KAZN: variants seen among roughly 807,000 people sequenced by gnomAD.
The protein encoded by KAZN is kazrin.
KAZN carries 40 observed loss-of-function variants against 87.4 expected under a neutral mutation model. That is an observed-to-expected ratio of 0.46 (90% CI 0.36 to 0.60). The LOEUF (loss-of-function observed/expected upper bound fraction) is 0.60. KAZN is among the 20% of genes least tolerant of loss of function. The probability of loss-of-function intolerance (pLI) is 0.00; values close to 1 mark genes in which losing one functional copy is unlikely to be tolerated. For missense variants in KAZN, 898 were observed against 1,073.9 expected, an observed-to-expected ratio of 0.84 and a Z score of 2.29; for synonymous variants, 466 against 458.3, an observed-to-expected ratio of 1.02 and a Z score of -0.22.
intron 2 of KAZN, among the ~76,000 whole-genome samples, chr1:15,016,373 C>T (rs961630837): frequency 6.6e-6 from 1 of 152,144 alleles, no homozygotes; most frequent in African/African-American, 2.4e-5. Context: ...GCAACCTCTG[C>T]CTCCCAGGAT....
Position 15,112,413 on chromosome 1 carries a change from G to A in KAZN, c.2049-14G>A. 6.5e-7 allele frequency: 1 copy of A among 1,534,812 alleles called. No individual in the cohort carries two copies. Among genetic ancestry groups the A allele is most frequent in the East Asian group, 2.4e-5 (1 of 42,256 alleles). The stretch of plus-strand genomic sequence containing the variant: ...TGAGCCTCCCCTGCTGACTCAAAAT[G>A]GTCCTCTCTTCAGCTCCACAGGCAT... On this transcript the variant is annotated splice_polypyrimidine_tract_variant and intron_variant, in intron 13 of 14. Coordinates refer to ENST00000376030, the MANE Select transcript of KAZN (RefSeq NM_201628.3).
chr1:14,415,592 C>T lies in KAZN; in HGVS notation c.250-183391C>T, dbSNP rs114282084. The stretch of plus-strand genomic sequence containing the variant: ...AGACCAGACCTGCTAAGGAATGCAG[C>T]CATCAACCAGTGGCCGTTAAGAATG... On this transcript the variant is annotated intron_variant, in intron 2 of 16. Coordinates refer to the KAZN transcript ENST00000636203. Among the ~76,000 whole-genome samples, 594 of 152,246 alleles carry T rather than the reference C, an allele frequency of 3.9e-3. 6 individuals carry two copies. The highest frequency in any genetic ancestry group is 0.014 in the African/African-American group (576 of 41,550).
chr1:15,036,073 C>T (rs1242908828), intron 3 of KAZN, among the ~76,000 whole-genome samples: 1 of 152,108 alleles, frequency 6.6e-6, no homozygotes, highest in Admixed American at 6.6e-5. Flanking sequence ...ACCTCCCGGG[C>T]ATGCACATCA....
intron 2 of KAZN, among the ~76,000 whole-genome samples, chr1:14,403,029 ATTGGTCAGGCTGG>A (rs2101142057): frequency 6.6e-6 from 1 of 152,186 alleles, no homozygotes; most frequent in African/African-American, 2.4e-5. Context: ...GTTTCGCCAC[ATTGGTCAGGCTGG>A]TCTTGAACTC....
At chr1:15,020,588 T>C (rs1180808775) in intron 2 of KAZN, among the ~76,000 whole-genome samples, 1 of 152,164 alleles carries the variant, frequency 6.6e-6, no homozygotes, top group Non-Finnish European at 1.5e-5. Context: ...CTCTTCTGCG[T>C]CACGTGTGGC....
chr1:14,053,311 T>C (rs2092434), intron 1 of KAZN, among the ~76,000 whole-genome samples: 27,225 of 152,114 alleles, frequency 0.18, 2,720 homozygotes, highest in Non-Finnish European at 0.23. Flanking sequence ...CCTTCCCAGG[T>C]TGAACCATCA....
At chr1:14,470,929 T>C (rs1668421503) in intron 2 of KAZN, among the ~76,000 whole-genome samples, 1 of 152,196 alleles carries the variant, frequency 6.6e-6, no homozygotes, top group Non-Finnish European at 1.5e-5. Flanking sequence ...GGGAGCCAGC[T>C]GCATGTTGTG....
chr1:13,995,147 C>T (rs1424056455), intron 1 of KAZN, among the ~76,000 whole-genome samples: 2 of 147,508 alleles, frequency 1.4e-5, no homozygotes, highest in African/African-American at 2.5e-5. Context: ...AAGACTTTGC[C>T]TTTGGGACCT....
At chr1:14,468,000 G>A (rs1228133206) in intron 2 of KAZN, among the ~76,000 whole-genome samples, 1 of 152,142 alleles carries the variant, frequency 6.6e-6, no homozygotes, top group African/African-American at 2.4e-5. Flanking sequence ...GTTTGGCTTA[G>A]CTTCTTCTGA....
chr1:14,408,832 AAATAAAT>A (rs974216357), intron 2 of KAZN, among the ~76,000 whole-genome samples: 1 of 152,064 alleles, frequency 6.6e-6, no homozygotes, highest in African/African-American at 2.4e-5. Flanking sequence ...ACAAGTACAC[AAATAAAT>A]AATCAAGGCA....
intron 1 of KAZN, among the ~76,000 whole-genome samples, chr1:14,664,639 C>A (rs1157560227): frequency 6.6e-6 from 1 of 151,316 alleles, no homozygotes; most frequent in African/African-American, 2.4e-5. Context: ...GCCCAGGGAT[C>A]CTTTTCTTTT....
chr1:14,090,982 C>T (rs1179077132), intron 1 of KAZN, among the ~76,000 whole-genome samples: 2 of 151,934 alleles, frequency 1.3e-5, no homozygotes, highest in Admixed American at 6.6e-5. Flanking sequence ...CATGGTGGCA[C>T]ATGCCTGTAA....
intron 1 of KAZN, among the ~76,000 whole-genome samples, chr1:14,686,991 T>G (rs1640993994): frequency 6.6e-6 from 1 of 152,112 alleles, no homozygotes; most frequent in Non-Finnish European, 1.5e-5. Flanking sequence ...GAAACAAACC[T>G]TTCCCTAGGA....
chr1:14,977,759 C>G (rs1047771383), intron 2 of KAZN, among the ~76,000 whole-genome samples: 2 of 152,224 alleles, frequency 1.3e-5, no homozygotes, highest in African/African-American at 4.8e-5. Context: ...TGGCTCTGGC[C>G]AGGTCTGCCC....
At chr1:15,018,815 C>G (rs1342724650) in intron 2 of KAZN, among the ~76,000 whole-genome samples, 1 of 152,108 alleles carries the variant, frequency 6.6e-6, no homozygotes, top group Non-Finnish European at 1.5e-5. Context: ...CAGCCACAGC[C>G]CCCCAGCAGC....
At chr1:13,930,448 A>G (rs1306967256) in intron 1 of KAZN, among the ~76,000 whole-genome samples, 3 of 152,094 alleles carry the variant, frequency 2.0e-5, no homozygotes, top group Non-Finnish European at 4.4e-5. Context: ...TCATTATTAC[A>G]ATGGGATACA....
At chr1:15,088,470 G>A (rs569645694) in intron 8 of KAZN, among the ~76,000 whole-genome samples, 3 of 152,278 alleles carry the variant, frequency 2.0e-5, no homozygotes, top group Non-Finnish European at 4.4e-5. Flanking sequence ...TTTCTGGAAG[G>A]ATCCCGAGTG....
intron 2 of KAZN, among the ~76,000 whole-genome samples, chr1:14,314,679 A>G (rs999521434): frequency 6.6e-6 from 1 of 152,088 alleles, no homozygotes; most frequent in African/African-American, 2.4e-5. Flanking sequence ...TTAAGATACA[A>G]TTTACCTACT....
rs989244144 is a variant in KAZN at position 14,836,935 on chromosome 1, C to T, written c.227-123749C>T. ...GCTGAGGCCACCTGCAGGTGCTTCC[C>T]GTCCACTCCTCCGCCCCCAGGTAAC... On this transcript the variant is annotated intron_variant, in intron 1 of 14. Transcript: ENST00000376030. Among the ~76,000 whole-genome samples the T allele has an allele frequency of 3.9e-5, 6 of 152,208 alleles. No individual in the cohort carries two copies. The South Asian group carries it at 1.0e-3, about 26-fold the overall frequency.
Sources: gnomAD v4.1 joint callset for allele counts (sites outside exome capture counted in the v4.1 genomes callset) on GRCh38, gnomAD v4.1.1 for gene constraint, MANE v1.5 for transcripts, NCBI Gene and HGNC (gene_info 2026-07-23, HGNC 2026-07-21) for gene names.